The following BBS9 variants were observed in gnomAD, a reference collection of about 807,000 sequenced individuals.
BBS9 encodes protein PTHB1.
Under a neutral mutation model 117.7 loss-of-function variants are expected in BBS9, and 89 were observed. The ratio of observed to expected loss-of-function variants is 0.76; its 90% CI spans 0.64 to 0.90. BBS9 has a LOEUF of 0.90. Among genes scored for constraint, BBS9 ranks in the 40% least tolerant of loss-of-function variants. The pLI is 0.00. For synonymous variants in BBS9, 379 were observed against 370.9 expected (o/e 1.02, Z -0.25); for missense variants, 982 against 1,042.2 (o/e 0.94, Z 0.80).
At chr7:33,551,270 A>C (rs1187399642) in intron 21 of BBS9, among the ~76,000 whole-genome samples, 1 of 152,194 alleles carries the variant, frequency 6.6e-6, no homozygotes, top group Non-Finnish European at 1.5e-5. Flanking sequence ...ATGTGGTGAT[A>C]GATATTAAGG....
intron 19 of BBS9, among the ~76,000 whole-genome samples, chr7:33,458,390 A>G (rs192034115): frequency 6.6e-6 from 1 of 152,274 alleles, no homozygotes; most frequent in East Asian, 1.9e-4. Context: ...TTCTTCTTTG[A>G]GAGTATATGG....
rs1847098664 is a variant in BBS9, at chr7:33,512,408, G to A, written c.2298+6763G>A. Among the ~76,000 whole-genome samples, 5 of 152,192 alleles carry A rather than the reference G, an allele frequency of 3.3e-5. No individual in the cohort carries two copies. In the South Asian group the frequency reaches 1.0e-3, roughly 32 times the overall value. The stretch of plus-strand genomic sequence containing the variant: ...TTGGTATTTATGCATTTTAAAATAA[G>A]GAGACTAAAAAAACAAATAAAGAAT... On this transcript the variant is annotated intron_variant, in intron 20 of 22. Coordinates refer to ENST00000242067, the MANE Select transcript of BBS9 (RefSeq NM_198428.3).
chr7:33,430,555 T>C (rs1029500983), intron 19 of BBS9, among the ~76,000 whole-genome samples: 5 of 152,234 alleles, frequency 3.3e-5, no homozygotes, highest in African/African-American at 9.6e-5. Context: ...TAGTCACTTA[T>C]GTGGAGGGAA....
At position 33,273,193 on chromosome 7, in the gene BBS9, C is replaced by T. The variant is rs1328556114; in HGVS notation, c.884C>T (p.Ser295Leu). 1.9e-6 allele frequency: 3 copies of T among 1,613,390 alleles called. No individual in the cohort carries two copies. Among genetic ancestry groups the T allele is most frequent in the African/African-American group, 2.7e-5 (2 of 74,870 alleles). Residue 295 changes from serine (S) to leucine (L), a missense_variant and splice_region_variant, in exon 8 of 23, where the codon TCA becomes TTA. Physicochemically the swap from Ser to Leu is moderately radical, Grantham distance 145. Coordinates refer to ENST00000242067, the MANE Select transcript of BBS9 (RefSeq NM_198428.3). ...WSPSCFLPYC[S>L]VSEGTINTLI... ...CCAAGTTGTTTTCTGCCATATTGCT[C>T]AGGTGTGTAGAAAGATTTTCTTTTA...
intron 9 of BBS9, among the ~76,000 whole-genome samples, chr7:33,331,123 G>A (rs1290292952): frequency 6.6e-6 from 1 of 152,048 alleles, no homozygotes. Flanking sequence ...ACATATATAA[G>A]TCAACAAATG....
At chr7:33,465,200 TA>T (rs2128941101) in intron 19 of BBS9, among the ~76,000 whole-genome samples, 1 of 151,030 alleles carries the variant, frequency 6.6e-6, no homozygotes, top group African/African-American at 2.4e-5. Flanking sequence ...GCTTTGGAGG[TA>T]ATACTTTTTT....
At chr7:33,390,321 G>T in intron 19 of BBS9, 10 of 985,088 alleles carry the variant, frequency 1.0e-5, no homozygotes, top group Non-Finnish European at 1.2e-5. Context: ...GTAAGACTTC[G>T]TCTTTTATAC....
intron 5 of BBS9, among the ~76,000 whole-genome samples, chr7:33,228,457 A>G (rs1791707205): frequency 6.6e-6 from 1 of 152,162 alleles, no homozygotes; most frequent in Non-Finnish European, 1.5e-5. Context: ...ATTTAGTCAC[A>G]AAAGGAAGAG....
chr7:33,443,998 A>G (rs554919121), intron 19 of BBS9, among the ~76,000 whole-genome samples: 32 of 152,142 alleles, frequency 2.1e-4, no homozygotes, highest in Non-Finnish European at 4.4e-4. Flanking sequence ...GACCTTTCCC[A>G]TTACCTCCTC....
rs140739134 is a variant in BBS9, at chr7:33,473,049, C to T, written c.2116-32414C>T. Among the ~76,000 whole-genome samples, 899 of 152,288 alleles carry T rather than the reference C, an allele frequency of 5.9e-3. 11 individuals are homozygous for T. The highest frequency in any genetic ancestry group is 0.021 in the African/African-American group (861 of 41,554). On this transcript the variant is annotated intron_variant, in intron 19 of 22. Coordinates refer to ENST00000242067, the MANE Select transcript of BBS9 (RefSeq NM_198428.3). ...GGCCCTGGATGGCCCTGCCGAGCTC[C>T]AGCTCTGGGATGGATTCTTCTTTGA...
At chr7:33,262,998 T>C (rs1798211462) in intron 6 of BBS9, among the ~76,000 whole-genome samples, 1 of 152,232 alleles carries the variant, frequency 6.6e-6, no homozygotes, top group Non-Finnish European at 1.5e-5. Context: ...GGGAGCACCT[T>C]ATGAGTATAG....
At chr7:33,390,435 A>G in intron 19 of BBS9, 3 of 983,956 alleles carry the variant, frequency 3.0e-6, no homozygotes, top group Non-Finnish European at 3.6e-6. Context: ...ATGGCTTTTC[A>G]CTTGAATGTA....
chr7:33,350,936 C>T lies in BBS9; in HGVS notation c.1433-283C>T, dbSNP rs763537224. On this transcript the variant is annotated intron_variant, in intron 13 of 22. Transcript: ENST00000242067. Reference sequence around the variant, plus strand: ...CTTGAACTTCTGGCCTCACGTGATCCGCCCACCTAGGCCTCCCAAAGTGTT... The same window carrying T: ...CTTGAACTTCTGGCCTCACGTGATCTGCCCACCTAGGCCTCCCAAAGTGTT... Among the ~76,000 whole-genome samples the T allele has an allele frequency of 5.3e-5, 8 of 152,138 alleles. No homozygotes were observed. In the East Asian group the frequency reaches 5.8e-4, roughly 11 times the overall value.
At chr7:33,444,724 A>G (rs1836733303) in intron 19 of BBS9, among the ~76,000 whole-genome samples, 1 of 152,216 alleles carries the variant, frequency 6.6e-6, no homozygotes, top group Admixed American at 6.5e-5. Context: ...AGAGCCCAGA[A>G]CATCGCATGA....
rs568290179 is a variant in BBS9, at chr7:33,407,043, C to G, written c.2115+18899C>G. On this transcript the variant is annotated intron_variant, in intron 19 of 22. Transcript: ENST00000242067. ...CCTGCAGATGTTTTCCAAGTTGGTT[C>G]CATTCTCCCCATCACTTTCAGATAC... Among the ~76,000 whole-genome samples the G allele has an allele frequency of 3.3e-3, 508 of 152,180 alleles. 2 individuals carry two copies. Among genetic ancestry groups the G allele is most frequent in the African/African-American group, 0.012 (489 of 41,522 alleles).
intron 21 of BBS9, among the ~76,000 whole-genome samples, chr7:33,583,548 A>C (rs1860368582): frequency 6.6e-6 from 1 of 152,170 alleles, no homozygotes; most frequent in African/African-American, 2.4e-5. Flanking sequence ...TGGGAGATAC[A>C]AGCCAGGATA....
intron 19 of BBS9, among the ~76,000 whole-genome samples, chr7:33,451,438 T>G (rs1837855041): frequency 6.6e-6 from 1 of 152,196 alleles, no homozygotes; most frequent in Admixed American, 6.5e-5. Context: ...TCAATATTAT[T>G]TGTAGAAGAG....
At chr7:33,230,720 A>G (rs1255725020) in intron 5 of BBS9, among the ~76,000 whole-genome samples, 2 of 152,138 alleles carry the variant, frequency 1.3e-5, no homozygotes, top group African/African-American at 4.8e-5. Flanking sequence ...AATGGCCTCC[A>G]TTTCCAATGA....
intron 1 of BBS9, among the ~76,000 whole-genome samples, chr7:33,133,331 C>A (rs1471289874): frequency 6.6e-6 from 1 of 152,152 alleles, no homozygotes; most frequent in Non-Finnish European, 1.5e-5. Flanking sequence ...ATACATGTAA[C>A]CATTACCACA....
Sources: gnomAD v4.1 joint callset for allele counts (sites outside exome capture counted in the v4.1 genomes callset) on GRCh38, gnomAD v4.1.1 for gene constraint, MANE v1.5 for transcripts, NCBI Gene and HGNC (gene_info 2026-07-23, HGNC 2026-07-21) for gene names.